THSD7B: variants seen among roughly 807,000 people sequenced by gnomAD.
THSD7B encodes thrombospondin type 1 domain containing 7B, also known as thrombospondin type-1 domain-containing protein 7B.
In THSD7B, 138 loss-of-function variants were observed where a neutral mutation model predicts 213.6. The ratio of observed to expected loss-of-function variants is 0.65; its 90% CI spans 0.56 to 0.74. The LOEUF (loss-of-function observed/expected upper bound fraction) is 0.74. Ranked by LOEUF, THSD7B falls within the 30% of genes least tolerant of loss-of-function variation. THSD7B has a pLI of 0.00. For missense variants in THSD7B, 1,931 were observed against 1,991.5 expected (o/e 0.97, Z 0.58); for synonymous variants, 742 against 687.0 (o/e 1.08, Z -1.25).
chr2:137,356,159 G>A (rs758635116), intron 12 of THSD7B, among the ~76,000 whole-genome samples: 17 of 152,130 alleles, frequency 1.1e-4, no homozygotes, highest in Non-Finnish European at 1.5e-5. Flanking sequence ...TTGGTCAAGG[G>A]TGCATCACGG....
chr2:136,862,554 AG>A (rs1683271947), intron 1 of THSD7B, among the ~76,000 whole-genome samples: 2 of 152,192 alleles, frequency 1.3e-5, no homozygotes. Flanking sequence ...GGGAGCTCGC[AG>A]TCGAATGGGT....
chr2:137,177,068 T>G (rs1165113323), intron 7 of THSD7B, among the ~76,000 whole-genome samples: 1 of 152,228 alleles, frequency 6.6e-6, no homozygotes, highest in Non-Finnish European at 1.5e-5. Context: ...TTTAAAGAAT[T>G]ACCTTTCAAA....
At chr2:137,360,980 G>C (rs374932351) in intron 12 of THSD7B, among the ~76,000 whole-genome samples, 71 of 152,114 alleles carry the variant, frequency 4.7e-4, no homozygotes, top group African/African-American at 1.6e-3. Flanking sequence ...TCATACAGCT[G>C]GGTGCCCCTC....
intron 1 of THSD7B, among the ~76,000 whole-genome samples, chr2:136,871,357 AAG>A (rs1339628183): frequency 3.3e-5 from 5 of 152,196 alleles, no homozygotes; most frequent in Non-Finnish European, 7.3e-5. Context: ...AAAGCTAGAG[AAG>A]AGGAGTCTGA....
chr2:137,352,202 A>G (rs1685029987), intron 12 of THSD7B, among the ~76,000 whole-genome samples: 1 of 151,822 alleles, frequency 6.6e-6, no homozygotes, highest in Non-Finnish European at 1.5e-5. Context: ...GGAGATAAAA[A>G]AATTTTCATG....
At chr2:137,133,499 T>G (rs1295522662) in intron 5 of THSD7B, among the ~76,000 whole-genome samples, 2 of 152,142 alleles carry the variant, frequency 1.3e-5, no homozygotes, top group Non-Finnish European at 2.9e-5. Flanking sequence ...CCAGGGATTT[T>G]TTTTTTTAAA....
chr2:136,766,100 GCCT>G (rs1444542496), intron 1 of THSD7B, among the ~76,000 whole-genome samples: 2 of 152,242 alleles, frequency 1.3e-5, no homozygotes, highest in Non-Finnish European at 2.9e-5. Flanking sequence ...TGCGCGGAGA[GCCT>G]CGGCGCCCAA....
Position 137,331,841 on chromosome 2 carries a change from G to A in THSD7B, c.2500+55815G>A, listed in dbSNP as rs530470909. 2.7e-3 allele frequency among the ~76,000 whole-genome samples: 405 copies of A among 152,292 alleles called. 1 individual carries two copies. Among genetic ancestry groups the A allele is most frequent in the Non-Finnish European group, 4.0e-3 (275 of 68,012 alleles). On this transcript the variant is annotated intron_variant, in intron 12 of 27. Coordinates refer to ENST00000409968, the MANE Select transcript of THSD7B (RefSeq NM_001316349.2). ...GGGACCCAGTACACCCTCCGCAGCC[G>A]CTGGCCCGGGTGCTAAGCCCCTCAT...
chr2:137,376,742 T>C (rs957339182), intron 12 of THSD7B, among the ~76,000 whole-genome samples: 1 of 152,340 alleles, frequency 6.6e-6, no homozygotes, highest in Non-Finnish European at 1.5e-5. Context: ...TAAATTTTTT[T>C]CCCAAATACA....
At chr2:136,861,389 T>A (rs1011997222) in intron 1 of THSD7B, among the ~76,000 whole-genome samples, 31 of 152,246 alleles carry the variant, frequency 2.0e-4, no homozygotes, top group African/African-American at 7.5e-4. Context: ...ATGTGTGAGA[T>A]TCCGTGTTGG....
At chr2:137,347,410 A>G (rs990404652) in intron 12 of THSD7B, among the ~76,000 whole-genome samples, 3 of 151,658 alleles carry the variant, frequency 2.0e-5, no homozygotes, top group African/African-American at 2.4e-5. Context: ...TATATAATTT[A>G]TAGTTATGGA....
chr2:137,391,682 G>A (rs1686031590), intron 12 of THSD7B, among the ~76,000 whole-genome samples: 1 of 138,766 alleles, frequency 7.2e-6, no homozygotes, highest in East Asian at 2.0e-4. Context: ...GTGACATTCG[G>A]TCTCAAAAAA....
At chr2:136,810,123 T>A (rs1272268289) in intron 1 of THSD7B, among the ~76,000 whole-genome samples, 1 of 152,168 alleles carries the variant, frequency 6.6e-6, no homozygotes, top group Non-Finnish European at 1.5e-5. Context: ...AGAAGGCAAG[T>A]GTGACAAAAA....
At chr2:137,124,430 T>G (rs1351877236) in intron 5 of THSD7B, among the ~76,000 whole-genome samples, 4 of 152,220 alleles carry the variant, frequency 2.6e-5, no homozygotes, top group African/African-American at 9.6e-5. Context: ...TTTGCATTTT[T>G]TTCATGCTCT....
At chr2:137,118,405 T>C (rs1560579) in intron 5 of THSD7B, among the ~76,000 whole-genome samples, 105,185 of 152,050 alleles carry the variant, frequency 0.69, 38,326 homozygotes, top group Non-Finnish European at 0.8. Context: ...GGCCTAGAGA[T>C]TAGGATATCA....
intron 4 of THSD7B, among the ~76,000 whole-genome samples, chr2:137,102,805 T>G (rs558208491): frequency 1.2e-4 from 19 of 152,108 alleles, no homozygotes; most frequent in Non-Finnish European, 2.8e-4. Context: ...AAGATCAACT[T>G]AATGAAATAA....
intron 20 of THSD7B, among the ~76,000 whole-genome samples, chr2:137,632,669 C>A (rs1682763048): frequency 6.6e-6 from 1 of 152,064 alleles, no homozygotes; most frequent in Non-Finnish European, 1.5e-5. Flanking sequence ...TATTTATATC[C>A]AAGCAATGTC....
At chr2:137,315,340 G>A (rs1340997568) in intron 12 of THSD7B, among the ~76,000 whole-genome samples, 1 of 152,158 alleles carries the variant, frequency 6.6e-6, no homozygotes, top group African/African-American at 2.4e-5. Flanking sequence ...CTTCCCAAGT[G>A]AGGCAATGCC....
At chr2:137,550,198 C>A (rs984605629) in intron 15 of THSD7B, among the ~76,000 whole-genome samples, 1 of 151,848 alleles carries the variant, frequency 6.6e-6, no homozygotes, top group African/African-American at 2.4e-5. Flanking sequence ...ACCCCAAGTG[C>A]CTATGTCAAT....
Sources: gnomAD v4.1 joint callset for allele counts (sites outside exome capture counted in the v4.1 genomes callset) on GRCh38, gnomAD v4.1.1 for gene constraint, MANE v1.5 for transcripts, NCBI Gene and HGNC (gene_info 2026-07-23, HGNC 2026-07-21) for gene names.